Variants in PEX14 observed in about 807,000 individuals in gnomAD.
The protein encoded by PEX14 is peroxisomal membrane protein PEX14.
PEX14 carries 15 observed loss-of-function variants against 49.5 expected under a neutral mutation model. The observed-to-expected ratio is 0.30, with a 90% confidence interval of 0.20 to 0.47. The LOEUF (loss-of-function observed/expected upper bound fraction) is 0.47. PEX14 is among the 20% of genes least tolerant of loss of function. PEX14 has a pLI of 1.00. For synonymous variants in PEX14, 210 were observed against 212.7 expected, an observed-to-expected ratio of 0.99 and a Z score of 0.11; for missense variants, 398 against 494.8, an observed-to-expected ratio of 0.80 and a Z score of 1.86.
intron 4 of PEX14, among the ~76,000 whole-genome samples, chr1:10,614,195 T>C (rs577429927): frequency 9.2e-5 from 14 of 152,348 alleles, no homozygotes; most frequent in African/African-American, 2.9e-4. Flanking sequence ...GTAGGAGTCA[T>C]CTCTATCCGA....
intron 2 of PEX14, chr1:10,535,807 G>A (rs983161104): frequency 1.0e-4 from 36 of 343,754 alleles, no homozygotes; most frequent in Non-Finnish European, 1.6e-4. Context: ...GTGTACGTGC[G>A]CGTGGGGTAA....
intron 3 of PEX14, among the ~76,000 whole-genome samples, chr1:10,575,503 G>A (rs1050108836): frequency 1.3e-5 from 2 of 152,044 alleles, no homozygotes; most frequent in Admixed American, 6.5e-5. Flanking sequence ...GAAAAATTCC[G>A]ATAAAGCCCA....
At chr1:10,573,829 G>T (rs12075572) in intron 3 of PEX14, among the ~76,000 whole-genome samples, 1 of 151,912 alleles carries the variant, frequency 6.6e-6, no homozygotes, top group African/African-American at 2.4e-5. Flanking sequence ...GGCTGGGTGC[G>T]GTAGCTCACG....
intron 4 of PEX14, among the ~76,000 whole-genome samples, chr1:10,618,008 A>G (rs1641477281): frequency 6.6e-6 from 1 of 152,208 alleles, no homozygotes; most frequent in Non-Finnish European, 1.5e-5. Flanking sequence ...TTCCTGAGGT[A>G]GAGACCATGC....
At chr1:10,489,103 C>G (rs186666366) in intron 1 of PEX14, among the ~76,000 whole-genome samples, 2 of 152,308 alleles carry the variant, frequency 1.3e-5, no homozygotes, top group Non-Finnish European at 2.9e-5. Context: ...ACCTCAGCCT[C>G]CCAAGTAGCT....
intron 4 of PEX14, among the ~76,000 whole-genome samples, chr1:10,606,003 C>G (rs1160491439): frequency 6.6e-6 from 1 of 152,154 alleles, no homozygotes; most frequent in Non-Finnish European, 1.5e-5. Flanking sequence ...TGATCCTTTC[C>G]TTAGGTTTCT....
intron 8 of PEX14, among the ~76,000 whole-genome samples, chr1:10,627,842 C>T (rs1318116289): frequency 1.3e-5 from 2 of 152,260 alleles, no homozygotes; most frequent in African/African-American, 2.4e-5. Flanking sequence ...TGTTGTCCCT[C>T]TGTAGCGACA....
intron 4 of PEX14, among the ~76,000 whole-genome samples, chr1:10,603,626 G>T (rs1641046656): frequency 6.6e-6 from 1 of 152,102 alleles, no homozygotes; most frequent in African/African-American, 2.4e-5. Context: ...TTTACATCGG[G>T]AGTCAGTGCA....
intron 3 of PEX14, among the ~76,000 whole-genome samples, chr1:10,537,163 A>G (rs1638830319): frequency 6.6e-6 from 1 of 152,186 alleles, no homozygotes; most frequent in Admixed American, 6.5e-5. Context: ...GGGATGCAGC[A>G]TGAACCATTG....
intron 3 of PEX14, among the ~76,000 whole-genome samples, chr1:10,594,825 C>T (rs1640790941): frequency 2.8e-5 from 1 of 36,152 alleles, no homozygotes; most frequent in South Asian, 6.7e-4. Context: ...ATCACAATCG[C>T]AGCCTGTACC....
intron 1 of PEX14, among the ~76,000 whole-genome samples, chr1:10,486,077 A>G (rs990189314): frequency 2.6e-4 from 39 of 152,086 alleles, no homozygotes; most frequent in African/African-American, 8.9e-4. Flanking sequence ...TTTTTTGTAC[A>G]TTCCTTGTGA....
intron 2 of PEX14, among the ~76,000 whole-genome samples, chr1:10,508,389 A>G (rs1198748966): frequency 6.6e-6 from 1 of 151,800 alleles, no homozygotes; most frequent in Non-Finnish European, 1.5e-5. Flanking sequence ...TTGTATTTTT[A>G]GTAGAGACGG....
At chr1:10,549,940 C>G (rs919406979) in intron 3 of PEX14, among the ~76,000 whole-genome samples, 1 of 152,088 alleles carries the variant, frequency 6.6e-6, no homozygotes, top group African/African-American at 2.4e-5. Context: ...ATTCATCCAC[C>G]ACCCATCCAT....
At chr1:10,525,422 C>T (rs1009654078) in intron 2 of PEX14, among the ~76,000 whole-genome samples, 3 of 152,166 alleles carry the variant, frequency 2.0e-5, no homozygotes, top group Admixed American at 6.5e-5. Context: ...GTGAAGTCGT[C>T]TACAAGGGTG....
At chr1:10,498,356 C>G (rs1245299327) in intron 2 of PEX14, among the ~76,000 whole-genome samples, 1 of 152,118 alleles carries the variant, frequency 6.6e-6, no homozygotes, top group Non-Finnish European at 1.5e-5. Flanking sequence ...AGAAGAAGTT[C>G]TATTTAGTAG....
chr1:10,496,202 C>T (rs1212108548), intron 2 of PEX14, among the ~76,000 whole-genome samples: 1 of 152,096 alleles, frequency 6.6e-6, no homozygotes, highest in Non-Finnish European at 1.5e-5. Context: ...AGGCTGAGGG[C>T]GAGTTGGATC....
In PEX14 at chr1:10,629,606, C is replaced by T. The variant is rs761590781; in HGVS notation, c.753C>T (p.Ser251=). The T allele has an allele frequency of 1.9e-6, 3 of 1,614,076 alleles. No homozygotes were observed. The highest frequency in any genetic ancestry group is 1.7e-5 in the Admixed American group (1 of 60,032). ...WQIPVKSPSP[S]SPAAVNHHSS... Reference sequence around the variant, plus strand: ...TCCCAGTCAAGTCACCGTCACCCTCCAGCCCTGCGGCCGTGAACCACCACA... The same window carrying T: ...TCCCAGTCAAGTCACCGTCACCCTCTAGCCCTGCGGCCGTGAACCACCACA... Residue 251 remains serine (S), a synonymous_variant, in exon 9 of 9, where the codon TCC becomes TCT. Coordinates refer to ENST00000356607, the MANE Select transcript of PEX14 (RefSeq NM_004565.3). The surrounding 1 kb of genome is among the most constrained non-coding windows in gnomAD (Gnocchi z 8.5).
intron 3 of PEX14, among the ~76,000 whole-genome samples, chr1:10,551,928 A>T (rs953899884): frequency 6.6e-6 from 1 of 151,958 alleles, no homozygotes; most frequent in Non-Finnish European, 1.5e-5. Context: ...CCCCGCCTCT[A>T]CTAAAAATAC....
chr1:10,518,074 C>A (rs1642002539), intron 2 of PEX14, among the ~76,000 whole-genome samples: 1 of 151,958 alleles, frequency 6.6e-6, no homozygotes, highest in Admixed American at 6.6e-5. Context: ...CTGACCTGTG[C>A]CTTTTCTCTC....
Sources: gnomAD v4.1 joint callset for allele counts (sites outside exome capture counted in the v4.1 genomes callset) on GRCh38, gnomAD v4.1.1 for gene constraint, Gnocchi (gnomAD v3.1) non-coding constraint, MANE v1.5 for transcripts, NCBI Gene and HGNC (gene_info 2026-07-23, HGNC 2026-07-21) for gene names.